Variants in ASTN1 observed in about 807,000 individuals in gnomAD.
The protein encoded by ASTN1 is astrotactin 1, also known as astrotactin-1.
A neutral mutation model predicts 140.7 loss-of-function variants in ASTN1; 41 were observed. That is an observed-to-expected ratio of 0.29 (90% CI 0.23 to 0.38). The LOEUF (loss-of-function observed/expected upper bound fraction) is 0.38, where lower values mean the gene tolerates loss of function less well. Ranked by LOEUF, ASTN1 falls within the 10% of genes least tolerant of loss-of-function variation. The pLI is 1.00. For synonymous variants in ASTN1, 640 were observed against 652.2 expected (o/e 0.98, Z 0.29); for missense variants, 1,479 against 1,678.8 (o/e 0.88, Z 2.08).
intron 8 of ASTN1, among the ~76,000 whole-genome samples, chr1:176,984,263 T>C (rs2101886141): frequency 6.6e-6 from 1 of 152,348 alleles, no homozygotes; most frequent in Middle Eastern, 3.4e-3. Context: ...GCAAGAAGAA[T>C]GGAGTGTTGG....
Position 176,864,395 on chromosome 1 carries a change from G to C in ASTN1, c.3774C>G (p.Ile1258Met), listed in dbSNP as rs1316028539. The C allele has an allele frequency of 1.2e-6, 2 of 1,613,992 alleles. No individual in the cohort carries two copies. The highest frequency in any genetic ancestry group is 1.7e-5 in the Admixed American group (1 of 60,000). Reference sequence around the variant, plus strand: ...CCGCCCAGTCAAGTCCGTAGGGTTTGATCTCGCTGTAGCGGCACCCCAGGT... The same window carrying C: ...CCGCCCAGTCAAGTCCGTAGGGTTTCATCTCGCTGTAGCGGCACCCCAGGT... ...LKYLGCRYSE[I>M]KPYGLDWAEL... The change falls in exon 23 of 23, where the codon ATC becomes ATG. Residue 1258 changes from isoleucine (I) to methionine (M), a missense_variant. By Grantham distance (10) the Ile-to-Met change is conservative (BLOSUM62 1). Transcript: ENST00000361833.
intron 1 of ASTN1, among the ~76,000 whole-genome samples, chr1:177,081,755 A>T (rs1273024397): frequency 2.0e-5 from 3 of 152,132 alleles, no homozygotes; most frequent in Non-Finnish European, 2.9e-5. Context: ...CCTGTTTAAG[A>T]GTTTGAACTT....
chr1:177,101,976 A>G (rs1680324516), intron 1 of ASTN1, among the ~76,000 whole-genome samples: 1 of 152,200 alleles, frequency 6.6e-6, no homozygotes, highest in Non-Finnish European at 1.5e-5. Context: ...GTTTTCATAC[A>G]CTAAAAATGG....
At chr1:176,864,878 A>T (rs886485277) in intron 22 of ASTN1, among the ~76,000 whole-genome samples, 2 of 152,234 alleles carry the variant, frequency 1.3e-5, no homozygotes, top group African/African-American at 4.8e-5. Flanking sequence ...ATTTATCATC[A>T]CTAAATGACA....
chr1:176,979,575 C>T (rs1043348915), intron 8 of ASTN1, among the ~76,000 whole-genome samples: 17 of 152,160 alleles, frequency 1.1e-4, no homozygotes, highest in African/African-American at 3.9e-4. Flanking sequence ...TTGTTTGTTT[C>T]AGTGACTCCC....
chr1:177,144,980 T>C (rs1682657800), intron 1 of ASTN1, among the ~76,000 whole-genome samples: 1 of 152,100 alleles, frequency 6.6e-6, no homozygotes, highest in South Asian at 2.1e-4. Context: ...CATGAAAAAG[T>C]TTGGGAAGCA....
chr1:176,892,511 T>C (rs1166663925), intron 17 of ASTN1, among the ~76,000 whole-genome samples: 2 of 152,214 alleles, frequency 1.3e-5, no homozygotes, highest in African/African-American at 4.8e-5. Context: ...TTCACTGGCA[T>C]GGCCACACAA....
intron 18 of ASTN1, 44 bp downstream of exon 18, chr1:176,888,027 A>C: frequency 1.2e-6 from 2 of 1,611,636 alleles, no homozygotes; most frequent in Non-Finnish European, 1.7e-6. Context: ...GACGCTCATT[A>C]TCTGTTTCCA....
chr1:176,918,875 G>C lies in ASTN1; in HGVS notation c.2671+15277C>G, dbSNP rs568653682. Among the ~76,000 whole-genome samples, 7 of 152,200 alleles carry C rather than the reference G, an allele frequency of 4.6e-5. No homozygotes were observed. The South Asian group carries it at 1.2e-3, about 27-fold the overall frequency. ...CTTCCCAGCCTCCAGCCAGGCCCCT[G>C]TTCCCTCACTTGTCCTGCCCCAACC... On this transcript the variant is annotated intron_variant, in intron 16 of 22. Transcript: ENST00000361833.
At chr1:177,003,365 C>T (rs1476612797) in intron 8 of ASTN1, among the ~76,000 whole-genome samples, 2 of 151,356 alleles carry the variant, frequency 1.3e-5, no homozygotes, top group East Asian at 3.9e-4. Flanking sequence ...GTGATTCATC[C>T]CACAAACTGC....
intron 1 of ASTN1, among the ~76,000 whole-genome samples, chr1:177,115,974 A>C (rs1040784523): frequency 2.0e-5 from 3 of 152,224 alleles, no homozygotes; most frequent in Admixed American, 6.5e-5. Flanking sequence ...AATACGGTTA[A>C]TATCTTTACA....
At chr1:177,158,410 A>G (rs1683334273) in intron 1 of ASTN1, among the ~76,000 whole-genome samples, 1 of 152,188 alleles carries the variant, frequency 6.6e-6, no homozygotes, top group Non-Finnish European at 1.5e-5. Flanking sequence ...ATAGGTGTCA[A>G]TTTGTATAGT....
intron 8 of ASTN1, among the ~76,000 whole-genome samples, chr1:177,012,804 A>T (rs1441470468): frequency 6.6e-6 from 1 of 152,214 alleles, no homozygotes; most frequent in Non-Finnish European, 1.5e-5. Context: ...TCCAGTCACT[A>T]CAGCGAGCCA....
intron 16 of ASTN1, among the ~76,000 whole-genome samples, chr1:176,924,318 T>A (rs1670862127): frequency 1.3e-5 from 2 of 152,210 alleles, no homozygotes; most frequent in South Asian, 4.1e-4. Context: ...TGCTATTTCA[T>A]CTGCCTGGAT....
At chr1:176,994,527 G>C (rs1449237615) in intron 8 of ASTN1, among the ~76,000 whole-genome samples, 6 of 152,106 alleles carry the variant, frequency 3.9e-5, no homozygotes, top group African/African-American at 1.4e-4. Flanking sequence ...ATTTTTAGTA[G>C]AGATAGGGTT....
intron 1 of ASTN1, among the ~76,000 whole-genome samples, chr1:177,103,721 T>C (rs1383352944): frequency 6.6e-6 from 1 of 152,134 alleles, no homozygotes; most frequent in Non-Finnish European, 1.5e-5. Context: ...TGAGTTAGGT[T>C]GTTTTACATG....
At chr1:177,091,372 G>A (rs1679742974) in intron 1 of ASTN1, among the ~76,000 whole-genome samples, 1 of 152,092 alleles carries the variant, frequency 6.6e-6, no homozygotes, top group Non-Finnish European at 1.5e-5. Flanking sequence ...TTTCTTGAAT[G>A]CAGTTTTAGG....
chr1:177,068,591 C>T (rs1318549111), intron 1 of ASTN1, among the ~76,000 whole-genome samples: 1 of 152,112 alleles, frequency 6.6e-6, no homozygotes, highest in Non-Finnish European at 1.5e-5. Context: ...CCCTGGAGCT[C>T]ACTTTCTCAT....
intron 2 of ASTN1, among the ~76,000 whole-genome samples, chr1:177,041,787 G>A (rs1268044322): frequency 6.6e-6 from 1 of 152,258 alleles, no homozygotes; most frequent in African/African-American, 2.4e-5. Flanking sequence ...TCATAAAGGA[G>A]TTGTTTAATC....
Sources: allele counts gnomAD v4.1 joint callset (sites outside exome capture counted in the v4.1 genomes callset), GRCh38; gene constraint gnomAD v4.1.1; transcripts MANE v1.5; gene names NCBI Gene and HGNC (gene_info 2026-07-23, HGNC 2026-07-21).